The following PSD3 variants were observed in gnomAD, a reference collection of about 807,000 sequenced individuals.
PSD3 encodes the protein PH and SEC7 domain-containing protein 3.
In PSD3, 49 loss-of-function variants were observed where a neutral mutation model predicts 105.5. The ratio of observed to expected loss-of-function variants is 0.46; its 90% CI spans 0.37 to 0.59. PSD3 has a LOEUF of 0.59. PSD3 is among the 20% of genes least tolerant of loss of function. PSD3 has a pLI of 0.00. For missense variants in PSD3, 1,561 were observed against 1,263.8 expected (o/e 1.24, Z -3.57); for synonymous variants, 557 against 457.8 (o/e 1.22, Z -2.77).
chr8:19,043,554 G>C (rs1828204575), intron 1 of PSD3, among the ~76,000 whole-genome samples: 1 of 152,152 alleles, frequency 6.6e-6, no homozygotes, highest in Non-Finnish European at 1.5e-5. Flanking sequence ...ATCTTGAATA[G>C]GCATTTCTAT....
At position 18,937,543 on chromosome 8, in the gene PSD3, T is replaced by A. The variant is rs1418435274; in HGVS notation, c.22-1401A>T. Among the ~76,000 whole-genome samples the A allele has an allele frequency of 6.0e-5, 9 of 149,504 alleles. No homozygotes were observed. The East Asian group carries it at 1.9e-3, about 32-fold the overall frequency. On this transcript the variant is annotated intron_variant, in intron 1 of 15. Coordinates refer to ENST00000327040, the MANE Select transcript of PSD3 (RefSeq NM_015310.4). ...ACAGGTTCAGGGGGCAGACCCCACT[T>A]TGTTCTTTAATACCAAGAGCTAGCG...
At chr8:18,639,062 G>C (rs1807464676) in intron 10 of PSD3, among the ~76,000 whole-genome samples, 2 of 152,238 alleles carry the variant, frequency 1.3e-5, no homozygotes, top group Admixed American at 1.3e-4. Flanking sequence ...CCCTACTTTA[G>C]GCAAAATAGA....
intron 14 of PSD3, among the ~76,000 whole-genome samples, chr8:18,565,100 C>A (rs892178658): frequency 3.3e-5 from 5 of 152,070 alleles, no homozygotes; most frequent in African/African-American, 1.2e-4. Context: ...CACCTGCCGG[C>A]CTGGAGTGGA....
At chr8:18,635,559 T>G (rs965129860) in intron 10 of PSD3, among the ~76,000 whole-genome samples, 1 of 152,030 alleles carries the variant, frequency 6.6e-6, no homozygotes, top group Non-Finnish European at 1.5e-5. Context: ...TAAAACAGCC[T>G]CAGGCAGGTC....
At chr8:18,866,627 G>A (rs990231502) in intron 4 of PSD3, among the ~76,000 whole-genome samples, 1 of 152,050 alleles carries the variant, frequency 6.6e-6, no homozygotes, top group East Asian at 1.9e-4. Flanking sequence ...ATATTCACAA[G>A]AAAATGCATA....
At chr8:18,790,555 G>A (rs1053936119) in intron 8 of PSD3, among the ~76,000 whole-genome samples, 1 of 151,834 alleles carries the variant, frequency 6.6e-6, no homozygotes, top group Non-Finnish European at 1.5e-5. Flanking sequence ...GCCCACCTTG[G>A]CCTCCCAAAG....
chr8:19,055,496 A>G (rs1201225552), intron 1 of PSD3, among the ~76,000 whole-genome samples: 1 of 152,094 alleles, frequency 6.6e-6, no homozygotes, highest in African/African-American at 2.4e-5. Context: ...CAGGTGATTC[A>G]CCCGCCTCGG....
chr8:18,963,321 C>G (rs1477757418), intron 1 of PSD3, among the ~76,000 whole-genome samples: 3 of 152,274 alleles, frequency 2.0e-5, no homozygotes, highest in African/African-American at 7.2e-5. Flanking sequence ...TTTCCATTTA[C>G]TAAAAACCAC....
chr8:18,613,866 G>A (rs913111364), intron 11 of PSD3, among the ~76,000 whole-genome samples: 1 of 152,120 alleles, frequency 6.6e-6, no homozygotes, highest in Non-Finnish European at 1.5e-5. Flanking sequence ...TTTCACCAGC[G>A]CTGCAACTCC....
chr8:18,576,548 G>T (rs1004610630), intron 12 of PSD3, among the ~76,000 whole-genome samples: 2 of 152,080 alleles, frequency 1.3e-5, no homozygotes, highest in Non-Finnish European at 2.9e-5. Flanking sequence ...TTTTTTAAAT[G>T]AGATTTTTCT....
At chr8:18,772,994 C>G (rs1807687363) in intron 8 of PSD3, among the ~76,000 whole-genome samples, 1 of 152,156 alleles carries the variant, frequency 6.6e-6, no homozygotes, top group Non-Finnish European at 1.5e-5. Flanking sequence ...CCTTTACACA[C>G]CCCTTTGTTT....
intron 9 of PSD3, among the ~76,000 whole-genome samples, chr8:18,719,636 T>C (rs1802824029): frequency 6.6e-6 from 1 of 152,226 alleles, no homozygotes; most frequent in Non-Finnish European, 1.5e-5. Flanking sequence ...ACAACTATTC[T>C]TGAACATTTG....
chr8:18,711,373 T>C (rs1802242653), intron 9 of PSD3, among the ~76,000 whole-genome samples: 1 of 152,208 alleles, frequency 6.6e-6, no homozygotes, highest in Non-Finnish European at 1.5e-5. Context: ...AACCCATTGC[T>C]GTGCTGTCTT....
At chr8:18,958,765 T>C (rs116728002) in intron 1 of PSD3, among the ~76,000 whole-genome samples, 2,188 of 152,280 alleles carry the variant, frequency 0.014, 64 homozygotes, top group African/African-American at 0.05. Context: ...TTTATTATTT[T>C]AAAAATAACC....
At chr8:18,733,418 A>G (rs2410585) in intron 9 of PSD3, 5,096 of 152,722 alleles carry the variant, frequency 0.033, 124 homozygotes, top group Non-Finnish European at 0.048. Flanking sequence ...ATCCTGCACT[A>G]AAACTGCAAT....
intron 4 of PSD3, among the ~76,000 whole-genome samples, chr8:18,852,331 C>T (rs765513920): frequency 3.9e-5 from 6 of 152,230 alleles, no homozygotes; most frequent in Middle Eastern, 3.4e-3. Context: ...ACCAACTCCT[C>T]GAGTGTAAAG....
chr8:18,764,732 C>T (rs748027584), intron 9 of PSD3, among the ~76,000 whole-genome samples: 9 of 152,094 alleles, frequency 5.9e-5, no homozygotes, highest in African/African-American at 1.2e-4. Flanking sequence ...GAAACCTATA[C>T]GTGTACTGTT....
chr8:18,949,275 A>T (rs1220102424), intron 1 of PSD3, among the ~76,000 whole-genome samples: 1 of 116,416 alleles, frequency 8.6e-6, no homozygotes, highest in African/African-American at 3.0e-5. Flanking sequence ...ATATATATAT[A>T]TATTTATAGT....
intron 2 of PSD3, among the ~76,000 whole-genome samples, chr8:18,873,488 A>G (rs575406999): frequency 5.9e-4 from 90 of 152,154 alleles, no homozygotes; most frequent in South Asian, 1.9e-3. Flanking sequence ...ATACAACATA[A>G]TGTTTAATAT....
Sources: gnomAD v4.1 joint callset for allele counts (sites outside exome capture counted in the v4.1 genomes callset) on GRCh38, gnomAD v4.1.1 for gene constraint, MANE v1.5 for transcripts, NCBI Gene and HGNC (gene_info 2026-07-23, HGNC 2026-07-21) for gene names.